PDLIM1: variants seen among roughly 807,000 people sequenced by gnomAD.
PDLIM1 encodes PDZ and LIM domain protein 1.
PDLIM1 carries 25 observed loss-of-function variants against 35.2 expected under a neutral mutation model. The ratio of observed to expected loss-of-function variants is 0.71; its 90% CI spans 0.52 to 0.99. PDLIM1 has a LOEUF of 0.99. Ranked by LOEUF, PDLIM1 falls within the 50% of genes least tolerant of loss-of-function variation. The pLI, the probability that PDLIM1 is intolerant of heterozygous loss-of-function variation, is 0.00. For missense variants in PDLIM1, 363 were observed against 415.3 expected (o/e 0.87, Z 1.09); for synonymous variants, 152 against 154.0 (o/e 0.99, Z 0.10).
At chr10:95,284,833 C>T (rs2035588465) in intron 1 of PDLIM1, among the ~76,000 whole-genome samples, 1 of 152,134 alleles carries the variant, frequency 6.6e-6, no homozygotes, top group Admixed American at 6.5e-5. Context: ...TGGCATTTAC[C>T]AAGGAGACAG....
intron 5 of PDLIM1, among the ~76,000 whole-genome samples, chr10:95,241,778 A>G (rs765579525): frequency 1.3e-5 from 2 of 152,142 alleles, no homozygotes; most frequent in Non-Finnish European, 2.9e-5. Context: ...AGCAAGCACC[A>G]GAGTGCCTCT....
At chr10:95,238,185 A>G in intron 6 of PDLIM1, 74 bp from the exon 7 acceptor site, 1 of 1,358,514 alleles carries the variant, frequency 7.4e-7, no homozygotes, top group Non-Finnish European at 1.0e-6. Flanking sequence ...AGGTGGCACC[A>G]TCCTTCCTGA....
chr10:95,289,076 G>T (rs2035628387), intron 1 of PDLIM1, among the ~76,000 whole-genome samples: 1 of 152,220 alleles, frequency 6.6e-6, no homozygotes, highest in Admixed American at 6.5e-5. Context: ...AGCAGCTAAA[G>T]TGAAAGGCAG....
intron 1 of PDLIM1, among the ~76,000 whole-genome samples, chr10:95,281,366 C>T (rs61028335): frequency 0.16 from 24,220 of 151,718 alleles, 2,388 homozygotes; most frequent in East Asian, 0.35. Flanking sequence ...ACTGCTTAAG[C>T]CCAGGATCTT....
At chr10:95,280,862 C>T (rs2133440611) in intron 1 of PDLIM1, among the ~76,000 whole-genome samples, 1 of 152,298 alleles carries the variant, frequency 6.6e-6, no homozygotes, top group East Asian at 1.9e-4. Context: ...ACTCAGCCAA[C>T]TGTGATATTT....
chr10:95,272,738 G>A (rs754209734), intron 1 of PDLIM1, among the ~76,000 whole-genome samples: 17 of 151,886 alleles, frequency 1.1e-4, no homozygotes, highest in Non-Finnish European at 2.4e-4. Context: ...CCTAAAGTAT[G>A]GTAGTATAGG....
At chr10:95,271,886 G>C (rs2133432984) in intron 1 of PDLIM1, 102 bp from the exon 2 acceptor site, 1 of 1,023,888 alleles carries the variant, frequency 9.8e-7, no homozygotes, top group Non-Finnish European at 1.4e-6. Context: ...CCCTGAAAAA[G>C]AAAAGAGGGC....
intron 4 of PDLIM1, among the ~76,000 whole-genome samples, chr10:95,261,458 T>A (rs2035361674): frequency 6.6e-6 from 1 of 152,080 alleles, no homozygotes. Context: ...CCTCTCAGGG[T>A]GTGTCTGTGG....
intron 1 of PDLIM1, among the ~76,000 whole-genome samples, chr10:95,275,949 C>T (rs1007704288): frequency 5.3e-5 from 8 of 152,014 alleles, no homozygotes; most frequent in African/African-American, 1.9e-4. Flanking sequence ...AAGTCACAAG[C>T]AACATCAGAT....
intron 4 of PDLIM1, among the ~76,000 whole-genome samples, chr10:95,263,431 C>G (rs2035383392): frequency 6.6e-6 from 1 of 152,146 alleles, no homozygotes; most frequent in African/African-American, 2.4e-5. Flanking sequence ...AAGTATTTCT[C>G]CCTTGCTTAG....
At chr10:95,277,924 G>A (rs117963948) in intron 1 of PDLIM1, among the ~76,000 whole-genome samples, 459 of 152,340 alleles carry the variant, frequency 3.0e-3, no homozygotes, top group Middle Eastern at 6.8e-3. Flanking sequence ...GGATGATGAT[G>A]TAGCTCTCCC....
intron 1 of PDLIM1, among the ~76,000 whole-genome samples, chr10:95,287,929 C>CAT (rs2035616729): frequency 6.6e-6 from 1 of 151,690 alleles, no homozygotes; most frequent in East Asian, 1.9e-4. Flanking sequence ...CACACACACA[C>CAT]GTGTTCTGTA....
At chr10:95,245,089 G>C (rs1379927754) in intron 5 of PDLIM1, among the ~76,000 whole-genome samples, 1 of 152,166 alleles carries the variant, frequency 6.6e-6, no homozygotes, top group Non-Finnish European at 1.5e-5. Context: ...GCAGAATCTT[G>C]ATTCTCTTTG....
chr10:95,239,304 T>C (rs1215588046), intron 5 of PDLIM1, among the ~76,000 whole-genome samples: 2 of 152,132 alleles, frequency 1.3e-5, no homozygotes, highest in Non-Finnish European at 2.9e-5. Flanking sequence ...GATTTCATGA[T>C]GAAAACCCGA....
At position 95,237,946 on chromosome 10, in the gene PDLIM1, C is replaced by T. The variant is rs1179746237; in HGVS notation, c.969G>A (p.Val323=). The T allele has an allele frequency of 6.2e-7, 1 of 1,614,086 alleles. No homozygotes were observed. The highest frequency in any genetic ancestry group is 2.2e-5 in the East Asian group (1 of 44,888). ...TGGCTCACTTGGGGAACACAGTGAC[C>T]ACTTCATAACCCTCAGGTGGTGTGA... is the stretch of plus-strand genomic sequence containing the variant. The part of the protein sequence containing the change: ...ERVTPPEGYE[V]VTVFPK Residue 323 remains valine (V), a synonymous_variant, in exon 7 of 7, where the codon GTG becomes GTA. Transcript: ENST00000329399.
At chr10:95,238,967 A>G in intron 5 of PDLIM1, 1 of 310,388 alleles carries the variant, frequency 3.2e-6, no homozygotes, top group East Asian at 5.9e-5. Context: ...AATTCAAACT[A>G]TATTACAAGG....
intron 1 of PDLIM1, among the ~76,000 whole-genome samples, chr10:95,285,950 T>A (rs1277522226): frequency 5.3e-5 from 8 of 152,248 alleles, no homozygotes; most frequent in African/African-American, 1.9e-4. Context: ...TGTAAATGGA[T>A]GCTGCTGTGA....
At position 95,271,832 on chromosome 10, in the gene PDLIM1, A is replaced by C. The variant is rs768353746; in HGVS notation, c.97-48T>G. On this transcript the variant is annotated intron_variant, in intron 1 of 6. Coordinates refer to ENST00000329399, the MANE Select transcript of PDLIM1 (RefSeq NM_020992.4). The stretch of plus-strand genomic sequence containing the variant: ...GCTAGTTACTATTTGTCTCCAAACC[A>C]CTAAGTTACCACCAAGTTAAGTATT... The C allele has an allele frequency of 5.7e-6, 9 of 1,585,184 alleles. No homozygotes were observed. In the East Asian group the frequency reaches 2.0e-4, roughly 36 times the overall value.
rs1447085861 is a variant in PDLIM1, at chr10:95,290,395, C to G, written c.96+425G>C. Among the ~76,000 whole-genome samples, 4 of 151,722 alleles carry G rather than the reference C, an allele frequency of 2.6e-5. No individual in the cohort carries two copies. The highest frequency in any genetic ancestry group is 5.9e-5 in the Non-Finnish European group (4 of 67,904). ...CCCCCCACCCCAGTAAACTTCCCACCCACCCCACCTCACTTTCCAGGTCTT... is the reference window on the plus strand; with the variant it reads ...CCCCCCACCCCAGTAAACTTCCCACGCACCCCACCTCACTTTCCAGGTCTT... On this transcript the variant is annotated intron_variant, in intron 1 of 6. Coordinates refer to ENST00000329399, the MANE Select transcript of PDLIM1 (RefSeq NM_020992.4). This position sits in a 1 kb window ranked among gnomAD's most constrained non-coding sequence, Gnocchi z 4.7.
Sources: allele counts gnomAD v4.1 joint callset (sites outside exome capture counted in the v4.1 genomes callset), GRCh38; gene constraint gnomAD v4.1.1; non-coding constraint Gnocchi (gnomAD v3.1); transcripts MANE v1.5; gene names NCBI Gene and HGNC (gene_info 2026-07-23, HGNC 2026-07-21).